SLC44A5: variants seen among roughly 807,000 people sequenced by gnomAD.
The protein encoded by SLC44A5 is choline transporter-like protein 5.
SLC44A5 carries 57 observed loss-of-function variants against 101.8 expected under a neutral mutation model. That is an observed-to-expected ratio of 0.56 (90% CI 0.45 to 0.70). The LOEUF (loss-of-function observed/expected upper bound fraction) is 0.70, where lower values mean the gene tolerates loss of function less well. Among genes scored for constraint, SLC44A5 ranks in the 30% least tolerant of loss-of-function variants. SLC44A5 has a pLI of 0.00. For missense variants in SLC44A5, 737 were observed against 853.1 expected, an observed-to-expected ratio of 0.86 and a Z score of 1.70; for synonymous variants, 281 against 290.9, an observed-to-expected ratio of 0.97 and a Z score of 0.35.
At position 75,571,959 on chromosome 1, in the gene SLC44A5, C is replaced by G. The variant is rs144760442; in HGVS notation, c.-69-30443G>C. 6.3e-4 allele frequency among the ~76,000 whole-genome samples: 96 copies of G among 152,188 alleles called. 1 individual carries two copies. Among genetic ancestry groups the G allele is most frequent in the African/African-American group, 2.2e-3 (90 of 41,530 alleles). On this transcript the variant is annotated intron_variant, in intron 1 of 23. Coordinates refer to ENST00000370859, the MANE Select transcript of SLC44A5 (RefSeq NM_001130058.2). ...GATATCAGATTTCTTATCAGCAAAA[C>G]TAAGTGCTAGAAGACAGTGAATTTA...
chr1:75,441,262 C>T (rs1026717816), intron 2 of SLC44A5, among the ~76,000 whole-genome samples: 1 of 152,058 alleles, frequency 6.6e-6, no homozygotes, highest in Non-Finnish European at 1.5e-5. Context: ...TTAGACAAAA[C>T]TATTCTGCCA....
intron 1 of SLC44A5, among the ~76,000 whole-genome samples, chr1:75,542,751 T>G (rs1393103072): frequency 6.6e-6 from 1 of 152,190 alleles, no homozygotes; most frequent in Non-Finnish European, 1.5e-5. Flanking sequence ...GACTCAAAGA[T>G]TACAAAGTGT....
At chr1:75,520,989 G>A (rs1448600893) in intron 2 of SLC44A5, among the ~76,000 whole-genome samples, 3 of 152,090 alleles carry the variant, frequency 2.0e-5, no homozygotes, top group Admixed American at 2.0e-4. Flanking sequence ...TATTCCTGAG[G>A]TCAGTTGTCC....
intron 4 of SLC44A5, among the ~76,000 whole-genome samples, chr1:75,307,329 C>T (rs1654988715): frequency 6.6e-6 from 1 of 152,130 alleles, no homozygotes. Flanking sequence ...TCTGTTGGCA[C>T]CTGAATGATG....
chr1:75,411,030 G>A (rs1395911759), intron 2 of SLC44A5, among the ~76,000 whole-genome samples: 1 of 152,060 alleles, frequency 6.6e-6, no homozygotes, highest in African/African-American at 2.4e-5. Context: ...AAAACGTGAT[G>A]ATCAAAGTAT....
At chr1:75,301,982 T>A (rs1441271990) in intron 4 of SLC44A5, among the ~76,000 whole-genome samples, 1 of 152,178 alleles carries the variant, frequency 6.6e-6, no homozygotes, top group Admixed American at 6.5e-5. Flanking sequence ...GAAAGTTAAC[T>A]GGTGGGCAAA....
At chr1:75,305,994 T>C (rs930176422) in intron 4 of SLC44A5, among the ~76,000 whole-genome samples, 2 of 152,260 alleles carry the variant, frequency 1.3e-5, no homozygotes, top group Non-Finnish European at 1.5e-5. Flanking sequence ...TGTCTGTTTT[T>C]GTACAGCCTG....
chr1:75,472,703 G>T (rs1176083769), intron 2 of SLC44A5, among the ~76,000 whole-genome samples: 1 of 152,118 alleles, frequency 6.6e-6, no homozygotes, highest in Admixed American at 6.5e-5. Context: ...CTCACTGAAA[G>T]GTTAGTCTCA....
chr1:75,548,574 C>T (rs1671775797), intron 1 of SLC44A5, among the ~76,000 whole-genome samples: 1 of 152,002 alleles, frequency 6.6e-6, no homozygotes, highest in South Asian at 2.1e-4. Context: ...TCAAGAAATG[C>T]CATTCTGTCT....
chr1:75,577,715 T>C (rs982118914), intron 1 of SLC44A5, among the ~76,000 whole-genome samples: 1 of 152,242 alleles, frequency 6.6e-6, no homozygotes, highest in African/African-American at 2.4e-5. Flanking sequence ...CCCCCTAAAA[T>C]ATAAATTCTC....
chr1:75,224,817 T>C (rs1191833919), intron 13 of SLC44A5, among the ~76,000 whole-genome samples: 2 of 150,882 alleles, frequency 1.3e-5, no homozygotes, highest in African/African-American at 2.4e-5. Context: ...AGAATTAGAA[T>C]GTAAAGAAAG....
the SLC44A5 span, among the ~76,000 whole-genome samples, chr1:75,666,124 A>G: frequency 6.6e-6 from 1 of 152,234 alleles, no homozygotes; most frequent in African/African-American, 2.4e-5. Flanking sequence ...TACTTGGTAT[A>G]TATCCAAAAG....
chr1:75,358,975 TC>T (rs1201405508), intron 3 of SLC44A5, among the ~76,000 whole-genome samples: 2 of 152,014 alleles, frequency 1.3e-5, no homozygotes, highest in Non-Finnish European at 2.9e-5. Context: ...ACCAACAATT[TC>T]CCATTCCCTC....
At chr1:75,535,967 G>A (rs944121267) in intron 2 of SLC44A5, among the ~76,000 whole-genome samples, 2 of 151,784 alleles carry the variant, frequency 1.3e-5, no homozygotes, top group Admixed American at 6.6e-5. Context: ...TCAACACTTT[G>A]GGAGGCGGAG....
intron 2 of SLC44A5, among the ~76,000 whole-genome samples, chr1:75,488,497 T>C (rs1206738284): frequency 6.6e-6 from 1 of 152,214 alleles, no homozygotes; most frequent in East Asian, 1.9e-4. Flanking sequence ...CAAAATGTCA[T>C]CATGCAGTAC....
At chr1:75,518,821 T>A (rs1669969744) in intron 2 of SLC44A5, among the ~76,000 whole-genome samples, 1 of 152,122 alleles carries the variant, frequency 6.6e-6, no homozygotes, top group Non-Finnish European at 1.5e-5. Flanking sequence ...GAGAGTCAGA[T>A]TAGTAGTTGC....
the SLC44A5 span, among the ~76,000 whole-genome samples, chr1:75,681,231 G>T: frequency 6.6e-6 from 1 of 152,202 alleles, no homozygotes; most frequent in East Asian, 1.9e-4. Context: ...AATAGAAAAA[G>T]AGGTAATCCT....
chr1:75,471,361 A>G (rs1349312944), intron 2 of SLC44A5, among the ~76,000 whole-genome samples: 1 of 145,868 alleles, frequency 6.9e-6, no homozygotes, highest in Non-Finnish European at 1.5e-5. Flanking sequence ...TCCATCTAAT[A>G]CATAAGCTTG....
At chr1:75,432,850 A>G (rs1434188501) in intron 2 of SLC44A5, among the ~76,000 whole-genome samples, 1 of 152,156 alleles carries the variant, frequency 6.6e-6, no homozygotes, top group African/African-American at 2.4e-5. Flanking sequence ...CCACAAAGAA[A>G]GCCACTTGTT....
Sources: gnomAD v4.1 joint callset for allele counts (sites outside exome capture counted in the v4.1 genomes callset) on GRCh38, gnomAD v4.1.1 for gene constraint, MANE v1.5 for transcripts, NCBI Gene and HGNC (gene_info 2026-07-23, HGNC 2026-07-21) for gene names.